TAF1: variants seen among roughly 807,000 people sequenced by gnomAD.
TAF1 encodes TATA-box binding protein associated factor 1.
In TAF1, 2 loss-of-function variants were observed where a neutral mutation model predicts 138.5. The observed-to-expected ratio is 0.01, with a 90% CI of 0.01 to 0.05. TAF1 has a LOEUF of 0.05. TAF1 is among the 10% of genes least tolerant of loss of function. The probability of loss-of-function intolerance (pLI) is 1.00; values close to 1 mark genes in which losing one functional copy is unlikely to be tolerated. For missense variants in TAF1, 709 were observed against 1,478.0 expected (o/e 0.48, Z 8.53); for synonymous variants, 437 against 503.2 (o/e 0.87, Z 1.76).
chrX:71,454,214 G>A lies in TAF1; in HGVS notation c.4798G>A (p.Val1600Ile), dbSNP rs192789139. 4.6e-5 allele frequency: 56 copies of A among 1,208,958 alleles called. No homozygotes were observed. The South Asian group carries it at 6.2e-4, about 13-fold the overall frequency. Reference sequence around the variant, plus strand: ...TAAGACTGCCCAGGAGATTGTGAACGTCTGTTACCAGACATTGACTGAGGT... The same window carrying A: ...TAAGACTGCCCAGGAGATTGTGAACATCTGTTACCAGACATTGACTGAGGT... ...YTKTAQEIVN[V>I]CYQTLTEYDE... is the part of the protein sequence containing the mutation. Residue 1600 changes from valine (V) to isoleucine (I), a missense_variant, in exon 33 of 38, where the codon GTC becomes ATC. By Grantham distance (29) the Val-to-Ile change is conservative (BLOSUM62 3). This residue lies in a region of TAF1 where 36 missense variants were observed against 47.3 expected (regional missense o/e 0.76). Transcript: ENST00000423759.
intron 13 of TAF1, among the ~76,000 whole-genome samples, chrX:71,520,127 TTTTATTTATTTA>T (rs202003899): frequency 1.2e-4 from 11 of 95,427 alleles, no homozygotes; most frequent in African/African-American, 3.7e-4. Flanking sequence ...AGGCATTTTA[TTTTATTTATTTA>T]TTTATTTATT....
chrX:71,489,672 G>A (rs1310094094), intron 13 of TAF1, among the ~76,000 whole-genome samples: 10 of 99,617 alleles, frequency 1.0e-4, no homozygotes, highest in Non-Finnish European at 1.4e-4. Context: ...ATGAAACTCC[G>A]TTTCAAAAAA....
intron 37 of TAF1, among the ~76,000 whole-genome samples, 196 bp from the exon 38 acceptor site, chrX:71,463,628 G>C (rs757267679): frequency 3.5e-4 from 39 of 111,907 alleles, no homozygotes; most frequent in African/African-American, 1.2e-3. Flanking sequence ...TCAGGTTCTT[G>C]TGTATATGAC....
chrX:71,461,735 A>G (rs2038558148), intron 37 of TAF1, among the ~76,000 whole-genome samples: 1 of 112,065 alleles, frequency 8.9e-6, no homozygotes, highest in South Asian at 3.7e-4. Flanking sequence ...TACAAAAACA[A>G]CTAAGATATG....
intron 13 of TAF1, among the ~76,000 whole-genome samples, chrX:71,498,049 G>A (rs181992808): frequency 6.3e-5 from 7 of 111,940 alleles, no homozygotes; most frequent in African/African-American, 1.9e-4. Context: ...GAGATCTAGA[G>A]TAGCCTGCTG....
At chrX:71,448,898 A>G (rs2037823710) in intron 32 of TAF1, among the ~76,000 whole-genome samples, 2 of 106,998 alleles carry the variant, frequency 1.9e-5, no homozygotes, top group South Asian at 8.2e-4. Context: ...GGCTCACCAC[A>G]ACCTCTGCCT....
intron 13 of TAF1, among the ~76,000 whole-genome samples, chrX:71,473,687 C>T (rs933933726): frequency 1.8e-5 from 2 of 108,847 alleles, no homozygotes; most frequent in African/African-American, 6.7e-5. Context: ...ATGATACCCC[C>T]GACTCTTAAA....
intron 13 of TAF1, among the ~76,000 whole-genome samples, chrX:71,505,711 G>A (rs2039608444): frequency 8.9e-6 from 1 of 111,739 alleles, no homozygotes; most frequent in African/African-American, 3.2e-5. Flanking sequence ...AATAGAAAAA[G>A]GACAGTAGGT....
intron 12 of TAF1, among the ~76,000 whole-genome samples, chrX:71,383,627 A>G (rs1245550943): frequency 1.8e-5 from 2 of 111,519 alleles, no homozygotes; most frequent in African/African-American, 6.5e-5. Context: ...TATAATACCT[A>G]CTCCAATGTA....
chrX:71,485,377 CTA>C (rs1001749973), intron 13 of TAF1, among the ~76,000 whole-genome samples: 4 of 111,629 alleles, frequency 3.6e-5, no homozygotes, highest in African/African-American at 1.3e-4. Flanking sequence ...TATTGTAATT[CTA>C]TGTTTGACTT....
At chrX:71,452,280 C>T (rs1311956809) in intron 32 of TAF1, among the ~76,000 whole-genome samples, 14 of 108,974 alleles carry the variant, frequency 1.3e-4, no homozygotes, top group East Asian at 3.0e-4. Flanking sequence ...GGCTGCCGGG[C>T]GGAGGGGCTC....
rs146748733 is a variant in TAF1, at chrX:71,401,566, G to A, written c.3825G>A (p.Arg1275=). The A allele has an allele frequency of 1.3e-3, 1,550 of 1,210,215 alleles. 11 individuals carry two copies. In the South Asian group the frequency reaches 0.013, roughly 10 times the overall value. The change falls in exon 25 of 38, where the codon AGG becomes AGA. Residue 1275 remains arginine (R), a synonymous_variant. Coordinates refer to ENST00000423759, the MANE Select transcript of TAF1 (RefSeq NM_004606.5). Reference sequence around the variant, plus strand: ...CATGTGGTGCCATTGGACACATGAGGACTAACAAATTCTGCCCCCTCTATT... The same window carrying A: ...CATGTGGTGCCATTGGACACATGAGAACTAACAAATTCTGCCCCCTCTATT... ...CGACGAIGHM[R]TNKFCPLYYQ... is the part of the protein sequence containing the mutation.
downstream of TAF1, among the ~76,000 whole-genome samples, chrX:71,467,028 C>A (rs888559432): frequency 1.9e-5 from 2 of 104,068 alleles, no homozygotes; most frequent in African/African-American, 3.5e-5. Flanking sequence ...TTAAAAAAAA[C>A]CATGAAGAGT....
chrX:71,422,466 C>T, intron 29 of TAF1, among the ~76,000 whole-genome samples: 1 of 108,132 alleles, frequency 9.2e-6, no homozygotes, highest in Non-Finnish European at 1.9e-5. Flanking sequence ...CAGGCGTGTG[C>T]CACCACGCCC....
At chrX:71,504,576 G>C (rs1365715048) in intron 13 of TAF1, among the ~76,000 whole-genome samples, 3 of 106,700 alleles carry the variant, frequency 2.8e-5, no homozygotes, top group Admixed American at 1.0e-4. Context: ...GCTGTTAACT[G>C]CATAAAAAAG....
At chrX:71,448,763 A>T (rs112450125) in intron 32 of TAF1, among the ~76,000 whole-genome samples, 1,867 of 110,305 alleles carry the variant, frequency 0.017, 41 homozygotes, top group African/African-American at 0.056. Flanking sequence ...TTTTTTTTTT[A>T]AATATTCTAG....
At chrX:71,408,885 G>A (rs1282500514) in intron 28 of TAF1, among the ~76,000 whole-genome samples, 2 of 109,675 alleles carry the variant, frequency 1.8e-5, no homozygotes, top group African/African-American at 3.3e-5. Flanking sequence ...GTAGTGGCGG[G>A]CGCCTGTAGT....
chrX:71,459,715 C>G lies in TAF1; in HGVS notation c.5221+7C>G, dbSNP rs1569374051. 1 of 1,210,057 alleles carries G rather than the reference C, an allele frequency of 8.3e-7. No homozygotes were observed. The highest frequency in any genetic ancestry group is 1.7e-5 in the African/African-American group (1 of 57,760). On this transcript the variant is annotated splice_region_variant and intron_variant, in intron 36 of 37. Coordinates refer to ENST00000423759, the MANE Select transcript of TAF1 (RefSeq NM_004606.5). The stretch of plus-strand genomic sequence containing the variant: ...GGAGACAATCCTTTCTCTGGTAGGC[C>G]TCAACCATTGCTTCTATTCCTTTAT...
chrX:71,453,688 T>A (rs1405388129), intron 32 of TAF1, among the ~76,000 whole-genome samples: 1 of 110,406 alleles, frequency 9.1e-6, no homozygotes, highest in Non-Finnish European at 1.9e-5. Context: ...ACCATTATAT[T>A]ATCAGACATA....
Sources: allele counts gnomAD v4.1 joint callset (sites outside exome capture counted in the v4.1 genomes callset), GRCh38; gene constraint gnomAD v4.1.1; regional missense constraint gnomAD v4.1.1; transcripts MANE v1.5; gene names NCBI Gene and HGNC (gene_info 2026-07-23, HGNC 2026-07-21).